SEMA3A: variants seen among roughly 807,000 people sequenced by gnomAD.
SEMA3A encodes semaphorin 3A, also known as semaphorin-3A.
A neutral mutation model predicts 97.9 loss-of-function variants in SEMA3A; 29 were observed. The observed-to-expected ratio is 0.30, with a 90% CI of 0.22 to 0.40. The LOEUF (loss-of-function observed/expected upper bound fraction) is 0.40, where lower values mean the gene tolerates loss of function less well. Among genes scored for constraint, SEMA3A ranks in the 10% least tolerant of loss-of-function variants. SEMA3A has a pLI of 1.00. For missense variants in SEMA3A, 763 were observed against 951.3 expected (o/e 0.80, Z 2.60); for synonymous variants, 321 against 323.7 (o/e 0.99, Z 0.09).
chr7:84,292,207 A>T (rs1177322130), intron 3 of SEMA3A, among the ~76,000 whole-genome samples: 2 of 152,050 alleles, frequency 1.3e-5, no homozygotes, highest in Non-Finnish European at 2.9e-5. Context: ...GCCATTCTTA[A>T]TCACCTTCAA....
intron 15 of SEMA3A, among the ~76,000 whole-genome samples, chr7:83,976,032 A>T (rs2116301618): frequency 6.6e-6 from 1 of 152,214 alleles, no homozygotes. Flanking sequence ...GAAAATTTGC[A>T]ATCAAAGTGG....
At chr7:84,459,730 T>G (rs1805775266) in intron 1 of SEMA3A, among the ~76,000 whole-genome samples, 1 of 152,156 alleles carries the variant, frequency 6.6e-6, no homozygotes, top group South Asian at 2.1e-4. Flanking sequence ...ATTTAATTAA[T>G]AAAATATTTA....
intron 6 of SEMA3A, among the ~76,000 whole-genome samples, chr7:84,043,458 A>C (rs977807001): frequency 2.6e-5 from 4 of 152,094 alleles, no homozygotes; most frequent in African/African-American, 9.7e-5. Flanking sequence ...AAAGAGTTGA[A>C]CTGATTTGAG....
chr7:84,214,377 T>C (rs888673987), intron 3 of SEMA3A, among the ~76,000 whole-genome samples: 6 of 152,240 alleles, frequency 3.9e-5, no homozygotes, highest in African/African-American at 1.4e-4. Flanking sequence ...TAAAGGATTA[T>C]ATTTTTTCAA....
intron 1 of SEMA3A, among the ~76,000 whole-genome samples, chr7:84,417,117 C>T (rs915419378): frequency 6.6e-6 from 1 of 151,950 alleles, no homozygotes; most frequent in African/African-American, 2.4e-5. Context: ...TACTTAATTC[C>T]AGTTCAGAGC....
At chr7:84,073,025 C>A (rs929522567) in intron 4 of SEMA3A, among the ~76,000 whole-genome samples, 2 of 151,964 alleles carry the variant, frequency 1.3e-5, no homozygotes, top group Non-Finnish European at 2.9e-5. Context: ...GCAAGATTCA[C>A]AAACATAATA....
At chr7:84,372,677 T>C (rs555638056) in intron 1 of SEMA3A, among the ~76,000 whole-genome samples, 2 of 152,242 alleles carry the variant, frequency 1.3e-5, no homozygotes, top group African/African-American at 2.4e-5. Context: ...ATCTGCAGCA[T>C]GCCCTCTCTG....
intron 1 of SEMA3A, among the ~76,000 whole-genome samples, chr7:84,400,521 C>A (rs1258100087): frequency 6.6e-6 from 1 of 152,102 alleles, no homozygotes; most frequent in East Asian, 1.9e-4. Flanking sequence ...AGTGTCTCAA[C>A]AGCAGAACTG....
At chr7:84,210,565 G>C (rs1372201680) in intron 3 of SEMA3A, among the ~76,000 whole-genome samples, 1 of 152,174 alleles carries the variant, frequency 6.6e-6, no homozygotes, top group African/African-American at 2.4e-5. Flanking sequence ...AGTCATGCTT[G>C]TAACTGTAAT....
chr7:84,445,854 A>G (rs1216300210), intron 1 of SEMA3A, among the ~76,000 whole-genome samples: 1 of 151,920 alleles, frequency 6.6e-6, no homozygotes, highest in African/African-American at 2.4e-5. Flanking sequence ...AAGATTAGAG[A>G]AGAGGAAAAC....
intron 1 of SEMA3A, among the ~76,000 whole-genome samples, chr7:84,163,381 A>G (rs1797102587): frequency 6.6e-6 from 1 of 152,126 alleles, no homozygotes; most frequent in Non-Finnish European, 1.5e-5. Flanking sequence ...AACAGCAAAT[A>G]TATAGTAAGA....
At chr7:84,133,921 G>C (rs1158318978) in intron 2 of SEMA3A, among the ~76,000 whole-genome samples, 4 of 151,030 alleles carry the variant, frequency 2.6e-5, no homozygotes, top group African/African-American at 9.7e-5. Flanking sequence ...AATTAGCCGG[G>C]CGTGGTGGCA....
rs140043728 is a variant in SEMA3A at position 84,245,082 on chromosome 7, C to G, written c.-82-50414G>C. Among the ~76,000 whole-genome samples, 688 of 152,122 alleles carry G rather than the reference C, an allele frequency of 4.5e-3. 5 individuals are homozygous for G. The highest frequency in any genetic ancestry group is 0.015 in the African/African-American group (626 of 41,502). On this transcript the variant is annotated intron_variant, in intron 3 of 3. Coordinates refer to the SEMA3A transcript ENST00000424555. Reference sequence around the variant, plus strand: ...TTATGTGTCTTGAGATTGCTCTTCTCGAGGAATATCTTTGTGGTGCTCGCT... The same window carrying G: ...TTATGTGTCTTGAGATTGCTCTTCTGGAGGAATATCTTTGTGGTGCTCGCT...
intron 12 of SEMA3A, among the ~76,000 whole-genome samples, chr7:83,995,632 T>C (rs1320629989): frequency 6.6e-6 from 1 of 152,212 alleles, no homozygotes; most frequent in African/African-American, 2.4e-5. Flanking sequence ...ATGACTTCCA[T>C]TTAAAACAGA....
At chr7:84,042,212 G>A (rs529441392) in intron 6 of SEMA3A, among the ~76,000 whole-genome samples, 1 of 152,076 alleles carries the variant, frequency 6.6e-6, no homozygotes, top group Non-Finnish European at 1.5e-5. Flanking sequence ...CAGGCCATCA[G>A]GGTATGAATA....
In SEMA3A at chr7:84,178,721, G is replaced by C. The variant is rs189764734; in HGVS notation, c.112+15754C>G. ...TATGTCCATTGGAAACTAAGTGAAAGAGGCAACAGACAATTACTGACTACC... is the reference window on the plus strand; with the variant it reads ...TATGTCCATTGGAAACTAAGTGAAACAGGCAACAGACAATTACTGACTACC... On this transcript the variant is annotated intron_variant, in intron 1 of 16. Coordinates refer to ENST00000265362, the MANE Select transcript of SEMA3A (RefSeq NM_006080.3). Among the ~76,000 whole-genome samples the C allele has an allele frequency of 2.8e-3, 425 of 152,156 alleles. 2 individuals carry two copies. Among genetic ancestry groups the C allele is most frequent in the African/African-American group, 9.7e-3 (402 of 41,534 alleles).
chr7:84,080,549 G>T (rs1794120113), intron 4 of SEMA3A, among the ~76,000 whole-genome samples: 2 of 147,396 alleles, frequency 1.4e-5, no homozygotes, highest in African/African-American at 2.5e-5. Flanking sequence ...ATAATTTGCA[G>T]CTTATAATTC....
In SEMA3A at chr7:83,974,098, T is replaced by C. The variant is rs140351989; in HGVS notation, c.1717+3034A>G. On this transcript the variant is annotated intron_variant, in intron 15 of 16. Coordinates refer to ENST00000265362, the MANE Select transcript of SEMA3A (RefSeq NM_006080.3). ...CAGATTGGAAACAACCTGAGCTTCC[T>C]CTTTAGCTTCCTGTATGAGGTGTGA... Among the ~76,000 whole-genome samples the C allele has an allele frequency of 9.2e-5, 14 of 152,222 alleles. No individual in the cohort carries two copies. In the East Asian group the frequency reaches 2.5e-3, roughly 27 times the overall value.
intron 4 of SEMA3A, among the ~76,000 whole-genome samples, chr7:84,083,358 G>A (rs1348933979): frequency 1.3e-5 from 2 of 151,808 alleles, no homozygotes; most frequent in South Asian, 4.1e-4. Context: ...TAAATGTGAT[G>A]TTTTGATGCA....
Sources: allele counts gnomAD v4.1 joint callset (sites outside exome capture counted in the v4.1 genomes callset), GRCh38; gene constraint gnomAD v4.1.1; transcripts MANE v1.5; gene names NCBI Gene and HGNC (gene_info 2026-07-23, HGNC 2026-07-21).